PRSS35: variants seen among roughly 807,000 people sequenced by gnomAD.
PRSS35 encodes serine protease 35.
A neutral mutation model predicts 8.1 loss-of-function variants in PRSS35; 7 were observed. The ratio of observed to expected loss-of-function variants is 0.86; its 90% confidence interval spans 0.49 to 1.62. The LOEUF (loss-of-function observed/expected upper bound fraction) is 1.62. Ranked by LOEUF, PRSS35 falls within the 40% of genes most tolerant of loss-of-function variation. The probability of loss-of-function intolerance (pLI) is 0.00; values close to 1 mark genes in which losing one functional copy is unlikely to be tolerated. For missense variants in PRSS35, 566 were observed against 518.0 expected (o/e 1.09, Z -0.90); for synonymous variants, 199 against 188.7 (o/e 1.05, Z -0.45).
chr6:83,517,237 G>A (rs1442975632), intron 1 of PRSS35, among the ~76,000 whole-genome samples: 1 of 152,192 alleles, frequency 6.6e-6, no homozygotes, highest in Non-Finnish European at 1.5e-5. Flanking sequence ...CAAGTGGCAA[G>A]TGTACTTAAG....
rs1771908990 is a variant in PRSS35 at position 83,524,829 on chromosome 6, T to C, written c.*146T>C. Reference sequence around the variant, plus strand: ...ATTTTTCAAAATCAGGAGATTTTCGTCCATTTAAAAAATGTATAGGTGCAG... The same window carrying C: ...ATTTTTCAAAATCAGGAGATTTTCGCCCATTTAAAAAATGTATAGGTGCAG... On this transcript the variant is annotated 3_prime_UTR_variant, in exon 2 of 2. Transcript: ENST00000369700. The C allele has an allele frequency of 2.1e-6, 2 of 957,098 alleles. No individual in the cohort carries two copies. The highest frequency in any genetic ancestry group is 6.3e-5 in the Admixed American group (2 of 31,598). The allele number at this position is 957,098 out of a possible 1,614,324, so 59.3% of individuals were successfully genotyped here. A position where few individuals can be genotyped will look rare whatever the true frequency, so the allele number is the denominator to read the frequency against.
intron 1 of PRSS35, among the ~76,000 whole-genome samples, chr6:83,515,447 C>T (rs1220773249): frequency 2.6e-5 from 4 of 152,192 alleles, no homozygotes; most frequent in Non-Finnish European, 5.9e-5. Context: ...TAAAATAACA[C>T]ATTTTCATTT....
intron 1 of PRSS35, among the ~76,000 whole-genome samples, chr6:83,516,864 C>A (rs1313806304): frequency 6.6e-6 from 1 of 152,038 alleles, no homozygotes; most frequent in Admixed American, 6.6e-5. Context: ...TGCATTGGAC[C>A]CACCTGGATA....
intron 1 of PRSS35, among the ~76,000 whole-genome samples, chr6:83,514,130 T>C (rs1205980230): frequency 6.6e-6 from 1 of 152,192 alleles, no homozygotes; most frequent in Non-Finnish European, 1.5e-5. Flanking sequence ...GCTAAAAACA[T>C]TGTGACCATA....
At chr6:83,516,670 A>G (rs1274795636) in intron 1 of PRSS35, among the ~76,000 whole-genome samples, 2 of 141,328 alleles carry the variant, frequency 1.4e-5, no homozygotes, top group Non-Finnish European at 3.1e-5. Flanking sequence ...TTAAAACAAC[A>G]CATTTTCATT....
intron 1 of PRSS35, among the ~76,000 whole-genome samples, chr6:83,516,823 T>C (rs1386067082): frequency 6.6e-6 from 1 of 152,286 alleles, no homozygotes; most frequent in South Asian, 2.1e-4. Flanking sequence ...TCTTAACCCG[T>C]CTGCCTCCTT....
chr6:83,524,153 C>T lies in PRSS35; in HGVS notation c.712C>T (p.Arg238Trp), dbSNP rs769349887. Residue 238 changes from arginine (R) to tryptophan (W), a missense_variant, in exon 2 of 2, where the codon CGG becomes TGG. Transcript: ENST00000369700. Reference sequence around the variant, plus strand: ...TGGGAGAAGAAGAAAAAAATCTGGCCGGGGTCAGAGGATTGCCGAAGGGAG... The same window carrying T: ...TGGGAGAAGAAGAAAAAAATCTGGCTGGGGTCAGAGGATTGCCGAAGGGAG... ...KGGRRRKKSG[R>W]GQRIAEGRPS... is the part of the protein sequence containing the mutation. 3 of 1,613,868 alleles carry T rather than the reference C, an allele frequency of 1.9e-6. No homozygotes were observed. The highest frequency in any genetic ancestry group is 1.3e-5 in the African/African-American group (1 of 74,868).
At position 83,524,313 on chromosome 6, in the gene PRSS35, T is replaced by G; in HGVS notation, c.872T>G (p.Met291Arg). 1 of 1,614,032 alleles carries G rather than the reference T, an allele frequency of 6.2e-7. No homozygotes were observed. Among genetic ancestry groups the G allele is most frequent in the Non-Finnish European group, 8.5e-7 (1 of 1,180,018 alleles). ...AAGCGTGCTCACAAAAAGAAATACA[T>G]GGAACTTGGAATCAGCCCAACGATC... ...ELKRAHKKKY[M>R]ELGISPTIKK... is the part of the protein sequence containing the mutation. The change falls in exon 2 of 2, where the codon ATG becomes AGG. Residue 291 changes from methionine (M) to arginine (R), a missense_variant. By Grantham distance (91) the Met-to-Arg change is moderately conservative. Transcript: ENST00000369700.
chr6:83,523,164 AGAT>A (rs1379701695), intron 1 of PRSS35, among the ~76,000 whole-genome samples: 1 of 152,138 alleles, frequency 6.6e-6, no homozygotes, highest in African/African-American at 2.4e-5. Flanking sequence ...ATAGAGGTGG[AGAT>A]GACAGGTTGG....
In PRSS35 at chr6:83,523,692, A is replaced by G. The variant is rs750259734; in HGVS notation, c.251A>G (p.Tyr84Cys). The change falls in exon 2 of 2, where the codon TAT becomes TGT. Residue 84 changes from tyrosine (Y) to cysteine (C), a missense_variant. Coordinates refer to ENST00000369700, the MANE Select transcript of PRSS35 (RefSeq NM_153362.3). ...SLSELEDYLS[Y>C]ETVFENGTRT... ...TCTGAATTGGAGGATTATCTTTCCT[A>G]TGAGACTGTCTTTGAGAATGGCACC... is the stretch of plus-strand genomic sequence containing the variant. The G allele has an allele frequency of 2.5e-6, 4 of 1,614,200 alleles. No individual in the cohort carries two copies. The highest frequency in any genetic ancestry group is 3.3e-5 in the Admixed American group (2 of 60,026).
Position 83,524,094 on chromosome 6 carries a change from G to A in PRSS35, c.653G>A (p.Gly218Asp), listed in dbSNP as rs1315704508. The change falls in exon 2 of 2, where the codon GGT becomes GAT. Residue 218 changes from glycine (G) to aspartate (D), a missense_variant. Coordinates refer to ENST00000369700, the MANE Select transcript of PRSS35 (RefSeq NM_153362.3). ...REASGGDQRE[G>D]TREHLRERAK... ...GCTAGTGGTGGTGACCAAAGAGAGG[G>A]TACCAGAGAGCATCTGCGGGAGAGA... 3.0e-5 allele frequency: 48 copies of A among 1,613,972 alleles called. No individual in the cohort carries two copies. The highest frequency in any genetic ancestry group is 4.0e-5 in the Non-Finnish European group (47 of 1,179,912).
Position 83,524,355 on chromosome 6 carries a change from G to C in PRSS35, c.914G>C (p.Gly305Ala). 1.9e-6 allele frequency: 3 copies of C among 1,614,168 alleles called. No individual in the cohort carries two copies. The highest frequency in any genetic ancestry group is 2.5e-6 in the Non-Finnish European group (3 of 1,180,036). The part of the protein sequence containing the change: ...ISPTIKKMPG[G>A]MIHFSGFDND... The stretch of plus-strand genomic sequence containing the variant: ...CCAACGATCAAGAAAATGCCTGGTG[G>C]AATGATCCACTTCTCAGGATTTGAT... The change falls in exon 2 of 2, where the codon GGA becomes GCA. Residue 305 changes from glycine (G) to alanine (A), a missense_variant. By Grantham distance (60) the Gly-to-Ala change is moderately conservative (BLOSUM62 0). Coordinates refer to ENST00000369700, the MANE Select transcript of PRSS35 (RefSeq NM_153362.3).
chr6:83,520,547 G>A (rs1049069947), intron 1 of PRSS35, among the ~76,000 whole-genome samples: 4 of 152,140 alleles, frequency 2.6e-5, no homozygotes, highest in Non-Finnish European at 5.9e-5. Flanking sequence ...CTCAACCACC[G>A]TTCGTAACTG....
In PRSS35 at chr6:83,512,592, C is replaced by T. The variant is rs1033551322; in HGVS notation, c.-123C>T. On this transcript the variant is annotated 5_prime_UTR_variant, in exon 1 of 2. Coordinates refer to ENST00000369700, the MANE Select transcript of PRSS35 (RefSeq NM_153362.3). ...CCGGCCTTGGCGGGGCGGCCTCCGG[C>T]TCAGGCTGGCTGAGAGGCTCCCAGC... The T allele has an allele frequency of 5.1e-4, 78 of 152,366 alleles. No homozygotes were observed. The highest frequency in any genetic ancestry group is 5.9e-5 in the Non-Finnish European group (4 of 68,204). The allele number at this position is 152,366 out of a possible 1,614,324, so 9.4% of individuals were successfully genotyped here.
At chr6:83,523,117 G>A (rs935742315) in intron 1 of PRSS35, among the ~76,000 whole-genome samples, 1 of 152,158 alleles carries the variant, frequency 6.6e-6, no homozygotes, top group Non-Finnish European at 1.5e-5. Flanking sequence ...ACCTACTACC[G>A]TATTCTACTC....
chr6:83,524,479 C>T lies in PRSS35; in HGVS notation c.1038C>T (p.Thr346=). 2 of 1,614,084 alleles carry T rather than the reference C, an allele frequency of 1.2e-6. No individual in the cohort carries two copies. Among genetic ancestry groups the T allele is most frequent in the South Asian group, 1.1e-5 (1 of 91,058 alleles). ...ACTGCGATGCTGAGTCGGGCTCCAC[C>T]GGTTCGGGGGTCTATCTGCGTCTGA... ...YQYCDAESGS[T]GSGVYLRLKD... is the part of the protein sequence containing the mutation. Residue 346 remains threonine (T), a synonymous_variant, in exon 2 of 2, where the codon ACC becomes ACT. Transcript: ENST00000369700.
intron 1 of PRSS35, among the ~76,000 whole-genome samples, chr6:83,522,688 T>C (rs929204803): frequency 2.0e-5 from 3 of 152,310 alleles, no homozygotes; most frequent in South Asian, 2.1e-4. Flanking sequence ...TTTTTAAAAA[T>C]ACATGGTACA....
Position 83,524,220 on chromosome 6 carries a change from C to T in PRSS35, c.779C>T (p.Pro260Leu), listed in dbSNP as rs141429310. The T allele has an allele frequency of 2.3e-4, 374 of 1,613,922 alleles. 2 individuals carry two copies. Among genetic ancestry groups the T allele is most frequent in the South Asian group, 3.0e-4 (27 of 91,068 alleles). The change falls in exon 2 of 2, where the codon CCG becomes CTG. Residue 260 changes from proline (P) to leucine (L), a missense_variant. Physicochemically the swap from Pro to Leu is moderately conservative, Grantham distance 98. Transcript: ENST00000369700. The part of the protein sequence containing the change: ...QWTRVKNTHI[P>L]KGWARGGMGD... Reference sequence around the variant, plus strand: ...ACCCGGGTCAAGAATACCCACATTCCGAAGGGCTGGGCACGAGGAGGCATG... The same window carrying T: ...ACCCGGGTCAAGAATACCCACATTCTGAAGGGCTGGGCACGAGGAGGCATG...
chr6:83,521,483 C>G (rs1204379930), intron 1 of PRSS35, among the ~76,000 whole-genome samples: 1 of 148,110 alleles, frequency 6.8e-6, no homozygotes. Context: ...CTCCCCTCCC[C>G]TCCCTTCTCC....
Sources: gnomAD v4.1 joint callset for allele counts (sites outside exome capture counted in the v4.1 genomes callset) on GRCh38, gnomAD v4.1.1 for gene constraint, MANE v1.5 for transcripts, NCBI Gene and HGNC (gene_info 2026-07-23, HGNC 2026-07-21) for gene names.